NR1H4: variants seen among roughly 807,000 people sequenced by gnomAD.
NR1H4 encodes the protein nuclear receptor subfamily 1 group H member 4, also known as bile acid receptor.
Under a neutral mutation model 58.5 loss-of-function variants are expected in NR1H4, and 23 were observed. That is an observed-to-expected ratio of 0.39 (90% confidence interval 0.28 to 0.56). The LOEUF (loss-of-function observed/expected upper bound fraction) is 0.56. Ranked by LOEUF, NR1H4 falls within the 20% of genes least tolerant of loss-of-function variation. The pLI, the probability that NR1H4 is intolerant of heterozygous loss-of-function variation, is 0.58. For missense variants in NR1H4, 487 were observed against 576.9 expected, an observed-to-expected ratio of 0.84 and a Z score of 1.60; for synonymous variants, 214 against 198.0, an observed-to-expected ratio of 1.08 and a Z score of -0.68.
intron 9 of NR1H4, among the ~76,000 whole-genome samples, chr12:100,544,582 T>C (rs1038222798): frequency 1.3e-5 from 2 of 152,276 alleles, no homozygotes; most frequent in Non-Finnish European, 2.9e-5. Context: ...AGTTTGATAA[T>C]AAAATCTTGA....
Position 100,560,843 on chromosome 12 carries a change from A to G in NR1H4, c.1079-1042A>G, listed in dbSNP as rs561374142. Among the ~76,000 whole-genome samples, 80 of 152,306 alleles carry G rather than the reference A, an allele frequency of 5.3e-4. 3 individuals carry two copies. In the South Asian group the frequency reaches 0.016, roughly 31 times the overall value. ...AGGTGCAATAAAGAGGAGAGGGAGC[A>G]CCAGGTGAGAGTGAGGAGGAGAAGC... On this transcript the variant is annotated intron_variant, in intron 9 of 10. Transcript: ENST00000392986.
intron 3 of NR1H4, among the ~76,000 whole-genome samples, chr12:100,497,591 G>A (rs931664083): frequency 1.3e-4 from 20 of 152,140 alleles, no homozygotes; most frequent in African/African-American, 4.1e-4. Flanking sequence ...CTGAATCCAC[G>A]TAGAGGCCTG....
At chr12:100,526,494 A>G (rs1321275954) in intron 4 of NR1H4, among the ~76,000 whole-genome samples, 1 of 152,180 alleles carries the variant, frequency 6.6e-6, no homozygotes, top group African/African-American at 2.4e-5. Context: ...CTCTAAATCA[A>G]AGTTAATCTC....
chr12:100,528,083 A>C (rs1019021134), intron 4 of NR1H4, among the ~76,000 whole-genome samples: 1 of 152,214 alleles, frequency 6.6e-6, no homozygotes, highest in African/African-American at 2.4e-5. Context: ...TGCTATTTTA[A>C]AAGCCTGTAG....
intron 3 of NR1H4, among the ~76,000 whole-genome samples, chr12:100,501,406 A>G (rs1021578980): frequency 6.6e-6 from 1 of 152,096 alleles, no homozygotes; most frequent in African/African-American, 2.4e-5. Flanking sequence ...ATACCCATAG[A>G]CCACCACTCT....
chr12:100,559,169 GTGA>G (rs1955403133), intron 9 of NR1H4, among the ~76,000 whole-genome samples: 2 of 99,528 alleles, frequency 2.0e-5, no homozygotes, highest in Non-Finnish European at 4.3e-5. Context: ...AGTATGTGAT[GTGA>G]TCTGATTTTT....
intron 9 of NR1H4, among the ~76,000 whole-genome samples, chr12:100,560,558 C>T (rs1955446566): frequency 1.3e-5 from 2 of 152,134 alleles, no homozygotes; most frequent in African/African-American, 4.8e-5. Context: ...CATGAACCCA[C>T]CAGAAGGAAG....
chr12:100,486,789 T>G (rs1221964836), intron 1 of NR1H4, among the ~76,000 whole-genome samples: 1 of 151,298 alleles, frequency 6.6e-6, no homozygotes, highest in African/African-American at 2.4e-5. Flanking sequence ...TGAGGGAAAA[T>G]GTACTCAAGA....
intron 1 of NR1H4, among the ~76,000 whole-genome samples, chr12:100,488,141 C>T (rs1375075479): frequency 6.6e-6 from 1 of 152,118 alleles, no homozygotes; most frequent in Admixed American, 6.5e-5. Context: ...GCTGGGATTA[C>T]AAGCCTGTGC....
chr12:100,511,036 G>C lies in NR1H4; in HGVS notation c.338G>C (p.Arg113Pro), dbSNP rs565451641. The change falls in exon 4 of 11, where the codon CGC becomes CCC. Residue 113 changes from arginine (R) to proline (P), a missense_variant. Arg to Pro is a moderately radical substitution (Grantham distance 103). Transcript: ENST00000392986. ...GAGATGCCTGTAACAAAGAAGCCCC[G>C]CATGGGCGCGTCAGCAGGGAGGATC... ...VAEMPVTKKP[R>P]MGASAGRIKG... The C allele has an allele frequency of 6.2e-7, 1 of 1,614,258 alleles. No individual in the cohort carries two copies. Among genetic ancestry groups the C allele is most frequent in the South Asian group, 1.1e-5 (1 of 91,090 alleles).
chr12:100,499,604 G>A lies in NR1H4; in HGVS notation c.79+6202G>A, dbSNP rs188191986. Reference sequence around the variant, plus strand: ...GCAGAGTTTGGAAAAGGTGTGCAATGAGTCAGAGAGTTGGCCAGCTGGTAG... The same window carrying A: ...GCAGAGTTTGGAAAAGGTGTGCAATAAGTCAGAGAGTTGGCCAGCTGGTAG... On this transcript the variant is annotated intron_variant, in intron 3 of 10. Transcript: ENST00000392986. 1.9e-4 allele frequency among the ~76,000 whole-genome samples: 29 copies of A among 152,292 alleles called. 1 individual carries two copies. The highest frequency in any genetic ancestry group is 1.6e-3 in the Admixed American group (24 of 15,296).
intron 1 of NR1H4, among the ~76,000 whole-genome samples, chr12:100,490,962 A>C (rs907779121): frequency 3.3e-5 from 5 of 152,050 alleles, no homozygotes; most frequent in Non-Finnish European, 2.9e-5. Flanking sequence ...TGCCCAGCTA[A>C]TTTTTAAATT....
intron 8 of NR1H4, among the ~76,000 whole-genome samples, chr12:100,540,252 A>G (rs554765527): frequency 1.6e-4 from 25 of 152,256 alleles, no homozygotes; most frequent in African/African-American, 5.8e-4. Flanking sequence ...CTTTAGCTTG[A>G]CTAAAGACTC....
chr12:100,556,185 A>T (rs553848266), intron 9 of NR1H4, among the ~76,000 whole-genome samples: 2 of 152,320 alleles, frequency 1.3e-5, no homozygotes, highest in South Asian at 4.1e-4. Flanking sequence ...TTCTCTTTAT[A>T]GGCTGGGTGC....
chr12:100,481,350 A>T (rs901971533), intron 1 of NR1H4, among the ~76,000 whole-genome samples: 1 of 152,246 alleles, frequency 6.6e-6, no homozygotes, highest in Non-Finnish European at 1.5e-5. Context: ...CATAATGCGA[A>T]AAAAGAAAAA....
chr12:100,478,894 T>G (rs966556137), intron 1 of NR1H4, among the ~76,000 whole-genome samples: 2 of 152,244 alleles, frequency 1.3e-5, no homozygotes, highest in Non-Finnish European at 2.9e-5. Context: ...TTCATACACT[T>G]TGAATATTAT....
chr12:100,486,441 A>C (rs1953494012), intron 1 of NR1H4, among the ~76,000 whole-genome samples: 1 of 152,206 alleles, frequency 6.6e-6, no homozygotes, highest in African/African-American at 2.4e-5. Flanking sequence ...ACAAACTGGA[A>C]CATATAGGGG....
intron 9 of NR1H4, among the ~76,000 whole-genome samples, chr12:100,558,037 GT>G (rs533729526): frequency 5.9e-5 from 9 of 151,670 alleles, no homozygotes; most frequent in Admixed American, 1.3e-4. Context: ...TAAGAAGTCT[GT>G]TTTTTTTGTT....
intron 1 of NR1H4, among the ~76,000 whole-genome samples, chr12:100,475,183 A>T (rs1953242823): frequency 6.9e-6 from 1 of 145,610 alleles, no homozygotes; most frequent in Admixed American, 6.7e-5. Flanking sequence ...GTTCCTAAAA[A>T]AAGGAAGGGA....
Sources: gnomAD v4.1 joint callset for allele counts (sites outside exome capture counted in the v4.1 genomes callset) on GRCh38, gnomAD v4.1.1 for gene constraint, MANE v1.5 for transcripts, NCBI Gene and HGNC (gene_info 2026-07-23, HGNC 2026-07-21) for gene names.